TSHZ3: variants seen among roughly 807,000 people sequenced by gnomAD.
The protein encoded by TSHZ3 is teashirt homolog 3.
Under a neutral mutation model 64.5 loss-of-function variants are expected in TSHZ3, and 10 were observed. The observed-to-expected ratio is 0.16, with a 90% CI of 0.10 to 0.26. The LOEUF (loss-of-function observed/expected upper bound fraction) is 0.26. TSHZ3 is among the 10% of genes least tolerant of loss of function. The pLI, the probability that TSHZ3 is intolerant of heterozygous loss-of-function variation, is 1.00. For synonymous variants in TSHZ3, 608 were observed against 593.1 expected (o/e 1.03, Z -0.36); for missense variants, 1,242 against 1,421.7 (o/e 0.87, Z 2.03).
intron 3 of TSHZ3, among the ~76,000 whole-genome samples, chr19:31,236,693 T>C (rs1975620547): frequency 6.6e-6 from 1 of 152,206 alleles, no homozygotes; most frequent in South Asian, 2.1e-4. Flanking sequence ...GACTCAACTG[T>C]AAGACCTGAA....
At chr19:31,312,732 C>T (rs1301080206) in intron 1 of TSHZ3, among the ~76,000 whole-genome samples, 1 of 152,022 alleles carries the variant, frequency 6.6e-6, no homozygotes, top group African/African-American at 2.4e-5. Context: ...TAAATTACTC[C>T]CTTGTCAGTT....
intron 4 of TSHZ3, among the ~76,000 whole-genome samples, chr19:31,210,674 C>T (rs947049619): frequency 1.3e-5 from 2 of 152,108 alleles, no homozygotes; most frequent in Non-Finnish European, 2.9e-5. Context: ...AAAACCTGCA[C>T]GATTTTCAAC....
At chr19:31,196,640 A>G (rs1359220111) in intron 5 of TSHZ3, among the ~76,000 whole-genome samples, 1 of 152,010 alleles carries the variant, frequency 6.6e-6, no homozygotes, top group Non-Finnish European at 1.5e-5. Flanking sequence ...AAGACATACC[A>G]TGCTAACACT....
chr19:31,306,574 C>T (rs1040926111), intron 1 of TSHZ3, among the ~76,000 whole-genome samples: 2 of 152,054 alleles, frequency 1.3e-5, no homozygotes, highest in African/African-American at 4.8e-5. Context: ...CGTATGTATG[C>T]GTGTGTGTGT....
intron 1 of TSHZ3, among the ~76,000 whole-genome samples, chr19:31,245,132 T>C (rs1310799561): frequency 1.3e-5 from 2 of 152,188 alleles, no homozygotes; most frequent in East Asian, 3.8e-4. Flanking sequence ...TAATATTCTA[T>C]ATTTTTCAAT....
chr19:31,224,145 T>C (rs1043239501), intron 4 of TSHZ3, among the ~76,000 whole-genome samples: 2 of 152,210 alleles, frequency 1.3e-5, no homozygotes, highest in Admixed American at 1.3e-4. Flanking sequence ...CTAGACAGGT[T>C]GGTGCCATTG....
chr19:31,289,648 G>C (rs998358997), intron 1 of TSHZ3, among the ~76,000 whole-genome samples: 1 of 152,140 alleles, frequency 6.6e-6, no homozygotes, highest in African/African-American at 2.4e-5. Flanking sequence ...CCACTCCCAG[G>C]GGTGGGGTTC....
intron 1 of TSHZ3, among the ~76,000 whole-genome samples, chr19:31,347,003 A>T (rs565742305): frequency 6.6e-6 from 1 of 152,230 alleles, no homozygotes; most frequent in South Asian, 2.1e-4. Context: ...CTTCTGATTG[A>T]CCATTAAGCT....
intron 4 of TSHZ3, among the ~76,000 whole-genome samples, chr19:31,213,652 T>A (rs923860967): frequency 3.9e-5 from 6 of 152,178 alleles, no homozygotes; most frequent in Non-Finnish European, 7.3e-5. Flanking sequence ...GGTGATTGCA[T>A]GTATGTGTAA....
intron 5 of TSHZ3, among the ~76,000 whole-genome samples, chr19:31,197,583 G>T (rs11882246): frequency 0.04 from 6,021 of 151,646 alleles, 393 homozygotes; most frequent in African/African-American, 0.14. Flanking sequence ...ACCAAGGAAA[G>T]ACAAGACACA....
rs201325151 is a variant in TSHZ3, at chr19:31,276,668, T to C, written c.3125A>G (p.Gln1042Arg). 1.9e-6 allele frequency: 3 copies of C among 1,613,706 alleles called. No individual in the cohort carries two copies. In the African/African-American group the frequency reaches 4.0e-5, roughly 21 times the overall value. The part of the protein sequence containing the change: ...SPEEDLGTSY[Q>R]CKLCNRTFAS... ...AAAGGTCCGATTGCAAAGTTTGCAC[T>C]GATAGGAAGTCCCCAGGTCTTCCTC... The change falls in exon 2 of 2, where the codon CAG (glutamine) becomes CGG (arginine). Residue 1042 changes from glutamine to arginine, a missense_variant. Gln to Arg is a conservative substitution (Grantham distance 43). This residue lies in a region of TSHZ3 where 126 missense variants were observed against 140.6 expected (regional missense o/e 0.90). Transcript: ENST00000240587.
chr19:31,201,441 A>G (rs539287659), intron 5 of TSHZ3, among the ~76,000 whole-genome samples: 7 of 152,358 alleles, frequency 4.6e-5, no homozygotes, highest in African/African-American at 1.2e-4. Flanking sequence ...ATATTGCTAA[A>G]AAAAATTCAC....
At chr19:31,156,467 C>A (rs141167853) in intron 5 of TSHZ3, among the ~76,000 whole-genome samples, 5 of 152,128 alleles carry the variant, frequency 3.3e-5, no homozygotes, top group African/African-American at 9.7e-5. Flanking sequence ...CCCACTGGCA[C>A]CAGTTTTTGT....
At chr19:31,308,789 T>C (rs1356425681) in intron 1 of TSHZ3, 3 of 397,902 alleles carry the variant, frequency 7.5e-6, no homozygotes, top group Non-Finnish European at 4.4e-6. Context: ...ATTCAGATCA[T>C]CCTAGAGATA....
At chr19:31,167,130 G>A (rs1229389560) in intron 5 of TSHZ3, among the ~76,000 whole-genome samples, 2 of 152,130 alleles carry the variant, frequency 1.3e-5, no homozygotes, top group Non-Finnish European at 2.9e-5. Context: ...CTGGAAATGT[G>A]ATTTCTTCCT....
chr19:31,221,328 T>C (rs1472234512), intron 4 of TSHZ3, among the ~76,000 whole-genome samples: 1 of 152,154 alleles, frequency 6.6e-6, no homozygotes, highest in African/African-American at 2.4e-5. Context: ...TACACATACC[T>C]TGAAAGACAC....
At position 31,313,889 on chromosome 19, in the gene TSHZ3, C is replaced by T. The variant is rs370304364; in HGVS notation, c.41-34137G>A. Among the ~76,000 whole-genome samples, 235 of 152,342 alleles carry T rather than the reference C, an allele frequency of 1.5e-3. 2 individuals are homozygous for T. In the South Asian group the frequency reaches 0.033, roughly 21 times the overall value. On this transcript the variant is annotated intron_variant, in intron 1 of 1. Transcript: ENST00000240587. ...ACCTGCATCCTGGCACCGACACTCA[C>T]TTACCAGGCTGCAACCTGCAGCACA...
chr19:31,276,069 G>A lies in TSHZ3; in HGVS notation c.*478C>T, dbSNP rs767831114. 6.5e-6 allele frequency: 1 copy of A among 152,806 alleles called. No homozygotes were observed. Among genetic ancestry groups the A allele is most frequent in the African/African-American group, 2.4e-5 (1 of 41,418 alleles). The allele number at this position is 152,806 out of a possible 1,614,324, so 9.5% of individuals were successfully genotyped here. ...CATATTATTCATTATAACTAAGCTG[G>A]TAAGGAGTTTAAAAAACAGAGCTTC... On this transcript the variant is annotated 3_prime_UTR_variant, in exon 2 of 2. Coordinates refer to ENST00000240587, the MANE Select transcript of TSHZ3 (RefSeq NM_020856.4).
intron 1 of TSHZ3, chr19:31,308,741 C>T (rs1916368706): frequency 2.5e-6 from 1 of 398,628 alleles, no homozygotes; most frequent in Non-Finnish European, 4.4e-6. Flanking sequence ...GACACACCGT[C>T]TAAGACCCCT....
Sources: allele counts gnomAD v4.1 joint callset (sites outside exome capture counted in the v4.1 genomes callset), GRCh38; gene constraint gnomAD v4.1.1; regional missense constraint gnomAD v4.1.1; transcripts MANE v1.5; gene names NCBI Gene and HGNC (gene_info 2026-07-23, HGNC 2026-07-21).